Variants in PTPRE observed in about 807,000 individuals in gnomAD.
PTPRE encodes receptor-type tyrosine-protein phosphatase epsilon.
A neutral mutation model predicts 102.0 loss-of-function variants in PTPRE; 51 were observed. That is an observed-to-expected ratio of 0.50 (90% CI 0.40 to 0.63). PTPRE has a LOEUF of 0.63. PTPRE is among the 30% of genes least tolerant of loss of function. The pLI, the probability that PTPRE is intolerant of heterozygous loss-of-function variation, is 0.00. For missense variants in PTPRE, 752 were observed against 915.1 expected, an observed-to-expected ratio of 0.82 and a Z score of 2.30; for synonymous variants, 345 against 348.2, an observed-to-expected ratio of 0.99 and a Z score of 0.10.
chr10:128,037,359 A>G (rs1847304508), intron 2 of PTPRE, among the ~76,000 whole-genome samples: 1 of 152,188 alleles, frequency 6.6e-6, no homozygotes, highest in Non-Finnish European at 1.5e-5. Flanking sequence ...ACTGCACTGC[A>G]TTTCTGGGGA....
At chr10:128,017,294 G>C (rs929190717) in intron 2 of PTPRE, among the ~76,000 whole-genome samples, 1 of 152,114 alleles carries the variant, frequency 6.6e-6, no homozygotes, top group Admixed American at 6.5e-5. Flanking sequence ...ACATTAAGAA[G>C]AGCTGAGAGC....
At chr10:127,969,718 G>T (rs1433124826) in intron 1 of PTPRE, among the ~76,000 whole-genome samples, 1 of 151,578 alleles carries the variant, frequency 6.6e-6, no homozygotes, top group Non-Finnish European at 1.5e-5. Context: ...TGAGCTTTGT[G>T]TGTGTTCTTG....
At chr10:127,958,654 T>C (rs1432684432) in intron 1 of PTPRE, among the ~76,000 whole-genome samples, 1 of 152,170 alleles carries the variant, frequency 6.6e-6, no homozygotes, top group Non-Finnish European at 1.5e-5. Flanking sequence ...AATAGTGTTG[T>C]TGTTTTTTTT....
intron 1 of PTPRE, among the ~76,000 whole-genome samples, chr10:127,981,499 TA>T (rs148346973): frequency 3.3e-5 from 5 of 151,932 alleles, no homozygotes; most frequent in African/African-American, 1.2e-4. Context: ...TGTTTTTTTT[TA>T]AAAAATAAAA....
At chr10:127,909,530 C>T (rs1456083307) in intron 1 of PTPRE, among the ~76,000 whole-genome samples, 9 of 152,198 alleles carry the variant, frequency 5.9e-5, no homozygotes, top group Non-Finnish European at 8.8e-5. Context: ...ACATTTCTCC[C>T]TGGGATATCA....
chr10:127,924,841 C>T (rs1846890327), intron 1 of PTPRE, among the ~76,000 whole-genome samples: 1 of 152,168 alleles, frequency 6.6e-6, no homozygotes, highest in Admixed American at 6.5e-5. Context: ...AGTAGCTGAG[C>T]TTTCTAGAAA....
chr10:127,962,645 A>G (rs1849915478), intron 1 of PTPRE, among the ~76,000 whole-genome samples: 1 of 152,194 alleles, frequency 6.6e-6, no homozygotes, highest in Non-Finnish European at 1.5e-5. Flanking sequence ...GGGGAGCAGG[A>G]GTCTAAGCCG....
intron 1 of PTPRE, among the ~76,000 whole-genome samples, chr10:127,948,986 C>G (rs935370194): frequency 2.0e-5 from 3 of 152,250 alleles, no homozygotes; most frequent in African/African-American, 7.2e-5. Context: ...TCTGCTGGAA[C>G]TGGGATACAC....
At chr10:127,963,258 A>G (rs1849972005) in intron 1 of PTPRE, among the ~76,000 whole-genome samples, 1 of 152,000 alleles carries the variant, frequency 6.6e-6, no homozygotes, top group Admixed American at 6.5e-5. Context: ...CAGCAGAAAC[A>G]TCTGGCATGT....
At chr10:127,914,359 C>T (rs1232386164) in intron 1 of PTPRE, among the ~76,000 whole-genome samples, 4 of 152,228 alleles carry the variant, frequency 2.6e-5, no homozygotes, top group African/African-American at 9.6e-5. Flanking sequence ...ACACACAGCA[C>T]AGGTGGAAAT....
chr10:127,948,124 G>A (rs577522336), intron 1 of PTPRE, among the ~76,000 whole-genome samples: 14 of 152,252 alleles, frequency 9.2e-5, no homozygotes, highest in Non-Finnish European at 1.5e-4. Context: ...GGGCCACTCC[G>A]TTGGCCCCCA....
intron 3 of PTPRE, 64 bp downstream of exon 3, chr10:128,041,054 G>C: frequency 3.5e-6 from 5 of 1,414,578 alleles, no homozygotes; most frequent in Non-Finnish European, 5.0e-6. Context: ...GGACCATTCA[G>C]AGGGTGATAA....
intron 1 of PTPRE, among the ~76,000 whole-genome samples, chr10:127,966,773 G>C (rs1001678872): frequency 3.3e-5 from 5 of 152,160 alleles, no homozygotes; most frequent in Admixed American, 2.0e-4. Flanking sequence ...ACCAACACCT[G>C]TCAGAACCCA....
At chr10:127,970,328 C>A (rs1310225228) in intron 1 of PTPRE, among the ~76,000 whole-genome samples, 1 of 152,198 alleles carries the variant, frequency 6.6e-6, no homozygotes, top group Non-Finnish European at 1.5e-5. Flanking sequence ...AAGGTCTTTT[C>A]AGTGTAAGCA....
intron 5 of PTPRE, 53 bp downstream of exon 5, chr10:128,047,890 G>C: frequency 6.6e-7 from 1 of 1,510,526 alleles, no homozygotes; most frequent in South Asian, 1.3e-5. Flanking sequence ...TTCTTTTTTA[G>C]CAGACACTGA....
At chr10:128,062,659 C>A (rs1040747877) in intron 9 of PTPRE, among the ~76,000 whole-genome samples, 1 of 152,190 alleles carries the variant, frequency 6.6e-6, no homozygotes, top group Non-Finnish European at 1.5e-5. Flanking sequence ...TCCCGAGGGA[C>A]TTTAGCTCAT....
chr10:128,020,575 G>C (rs188198568), intron 2 of PTPRE, among the ~76,000 whole-genome samples: 50 of 152,272 alleles, frequency 3.3e-4, no homozygotes, highest in Admixed American at 3.2e-3. Context: ...TTTTTAAAAA[G>C]AAAAGAAAAA....
chr10:127,927,714 C>A (rs1333042546), intron 1 of PTPRE, among the ~76,000 whole-genome samples: 1 of 152,120 alleles, frequency 6.6e-6, no homozygotes, highest in Non-Finnish European at 1.5e-5. Context: ...GAGGTTGTCA[C>A]GTCTTTGAGT....
Position 128,069,838 on chromosome 10 carries a change from C to G in PTPRE, c.1143+11C>G, listed in dbSNP as rs760822810. 6.8e-6 allele frequency: 11 copies of G among 1,614,120 alleles called. No individual in the cohort carries two copies. The highest frequency in any genetic ancestry group is 9.3e-6 in the Non-Finnish European group (11 of 1,180,046). On this transcript the variant is annotated intron_variant, in intron 13 of 20. Coordinates refer to ENST00000254667, the MANE Select transcript of PTPRE (RefSeq NM_006504.6). ...ATGGTTCAAACGGATGTGAGTCATG[C>G]CTTCCTCTTGCCCTGATCTAGCTTC... is the stretch of plus-strand genomic sequence containing the variant.
Sources: gnomAD v4.1 joint callset for allele counts (sites outside exome capture counted in the v4.1 genomes callset) on GRCh38, gnomAD v4.1.1 for gene constraint, MANE v1.5 for transcripts, NCBI Gene and HGNC (gene_info 2026-07-23, HGNC 2026-07-21) for gene names.